The following SUGT1 variants were observed in gnomAD, a reference collection of about 807,000 sequenced individuals.
The protein encoded by SUGT1 is SGT1 assembly cochaperone of MIS12 kinetochore complex.
SUGT1 carries 15 observed loss-of-function variants against 56.1 expected under a neutral mutation model. The observed-to-expected ratio is 0.27, with a 90% CI of 0.18 to 0.41. The LOEUF is 0.41. Among genes scored for constraint, SUGT1 ranks in the 10% least tolerant of loss-of-function variants. SUGT1 has a pLI of 1.00. For missense variants in SUGT1, 347 were observed against 382.2 expected (o/e 0.91, Z 0.77); for synonymous variants, 123 against 128.6 (o/e 0.96, Z 0.30).
Position 52,663,099 on chromosome 13 carries a change from C to T in SUGT1, c.386C>T (p.Ser129Leu). The T allele has an allele frequency of 1.2e-6, 2 of 1,607,480 alleles. No homozygotes were observed. The highest frequency in any genetic ancestry group is 1.1e-5 in the South Asian group (1 of 89,092). The change falls in exon 7 of 13, where the codon TCA becomes TTA. Residue 129 changes from serine to leucine, a missense_variant. Physicochemically the swap from Ser to Leu is moderately radical, Grantham distance 145 (BLOSUM62 -2). Transcript: ENST00000310528. ...IKRCQEAQNGSESEVWTHQSK... is the reference protein window; with the variant it reads ...IKRCQEAQNGLESEVWTHQSK... ...TTTCCTTTTTATGTTTTAATAGGCTCAGAATCTGAGGTGGTAAGTCCAAAG... is the reference window on the plus strand; with the variant it reads ...TTTCCTTTTTATGTTTTAATAGGCTTAGAATCTGAGGTGGTAAGTCCAAAG...
At chr13:52,667,256 T>C (rs1962746533) in intron 10 of SUGT1, among the ~76,000 whole-genome samples, 1 of 152,228 alleles carries the variant, frequency 6.6e-6, no homozygotes, top group East Asian at 1.9e-4. Context: ...CTTGTCAGTT[T>C]TGTCTGTTTT....
At chr13:52,686,095 T>A (rs1350552472) in intron 12 of SUGT1, among the ~76,000 whole-genome samples, 2 of 151,936 alleles carry the variant, frequency 1.3e-5, no homozygotes, top group South Asian at 4.2e-4. Flanking sequence ...GCCTGGCTAA[T>A]TTTTGTAGTT....
rs2138187538 is a variant in SUGT1, at chr13:52,690,197, G to C, written c.*2362G>C. On this transcript the variant is annotated 3_prime_UTR_variant, in exon 13 of 13. Coordinates refer to ENST00000310528, the MANE Select transcript of SUGT1 (RefSeq NM_006704.5). ...CAAGGGAATTTTGAAAAGTAGGCTA[G>C]ATTGCTGCCTAAGAATCCCACTCTA... 6.6e-6 allele frequency: 1 copy of C among 152,238 alleles called. No homozygotes were observed. The highest frequency in any genetic ancestry group is 2.1e-4 in the South Asian group (1 of 4,808). The allele number at this position is 152,238 out of a possible 1,614,324, so 9.4% of individuals were successfully genotyped here.
intron 10 of SUGT1, among the ~76,000 whole-genome samples, chr13:52,675,798 T>G (rs1184917478): frequency 6.6e-6 from 1 of 152,232 alleles, no homozygotes; most frequent in East Asian, 1.9e-4. Context: ...TATTGACATT[T>G]TGGGGAATTG....
chr13:52,687,479 T>C (rs1963643085), intron 12 of SUGT1: 2 of 228,980 alleles, frequency 8.7e-6, no homozygotes, highest in Admixed American at 5.7e-5. Context: ...CTGACTACTT[T>C]AGGATTTCCT....
At chr13:52,670,528 C>T (rs957991733) in intron 10 of SUGT1, among the ~76,000 whole-genome samples, 8 of 152,120 alleles carry the variant, frequency 5.3e-5, no homozygotes, top group Admixed American at 2.6e-4. Context: ...ATTCACAAGT[C>T]GGGCACGGTG....
In SUGT1 at chr13:52,663,103, A is replaced by G. The variant is rs771833289; in HGVS notation, c.390A>G (p.Glu130=). ...CTTTTTATGTTTTAATAGGCTCAGA[A>G]TCTGAGGTGGTAAGTCCAAAGTTTT... ...KRCQEAQNGS[E]SEVWTHQSKI... Residue 130 remains glutamate (E), a synonymous_variant, in exon 7 of 13, where the codon GAA becomes GAG. Coordinates refer to ENST00000310528, the MANE Select transcript of SUGT1 (RefSeq NM_006704.5). 7 of 1,608,774 alleles carry G rather than the reference A, an allele frequency of 4.4e-6. No homozygotes were observed. In the Admixed American group the frequency reaches 8.4e-5, roughly 19 times the overall value.
In SUGT1 at chr13:52,679,989, A is replaced by G; in HGVS notation, c.734A>G (p.Tyr245Cys). The G allele has an allele frequency of 6.3e-7, 1 of 1,595,190 alleles. No homozygotes were observed. The highest frequency in any genetic ancestry group is 8.5e-7 in the Non-Finnish European group (1 of 1,175,126). Residue 245 changes from tyrosine (Y) to cysteine (C), a missense_variant, in exon 12 of 13, where the codon TAT becomes TGT. Transcript: ENST00000310528. ...KQFVADVKNLYPSSSPYTRNW... is the reference protein window; with the variant it reads ...KQFVADVKNLCPSSSPYTRNW... ...TACTTCATAGATGTAAAGAACCTAT[A>G]TCCATCATCATCTCCTTATACAAGA... is the stretch of plus-strand genomic sequence containing the variant.
Position 52,693,493 on chromosome 13 carries a change from A to AT in SUGT1, c.*5659dup, listed in dbSNP as rs1389684563. The AT allele has an allele frequency of 2.0e-5, 3 of 152,240 alleles. No individual in the cohort carries two copies. Among genetic ancestry groups the AT allele is most frequent in the African/African-American group, 7.2e-5 (3 of 41,464 alleles). 9.4% of individuals were successfully genotyped at this position (152,240 alleles called of 1,614,324 possible). ...AAAGACAGTATTGCATAGTGGTTAA[A>AT]TGCATGGACTCTGAAGCCATCCTGT... On this transcript the variant is annotated 3_prime_UTR_variant, in exon 13 of 13. Transcript: ENST00000310528.
chr13:52,672,984 C>G (rs187208115), intron 10 of SUGT1, among the ~76,000 whole-genome samples: 4 of 152,204 alleles, frequency 2.6e-5, no homozygotes, highest in Admixed American at 2.6e-4. Context: ...GAGAGCCTTC[C>G]CTGTACATAT....
At chr13:52,681,652 G>A (rs1963378585) in intron 12 of SUGT1, among the ~76,000 whole-genome samples, 1 of 151,980 alleles carries the variant, frequency 6.6e-6, no homozygotes, top group Non-Finnish European at 1.5e-5. Flanking sequence ...AGACCAGCCT[G>A]GACAATATGG....
In SUGT1 at chr13:52,699,929, T is replaced by A. The variant is rs1964036248; in HGVS notation, c.*12094T>A. On this transcript the variant is annotated 3_prime_UTR_variant, in exon 13 of 13. Transcript: ENST00000310528. ...ACTATCTTGTTACTATTAGAATTTT[T>A]GTAGCCATGTGCAGAGGAGAGAAAA... is the stretch of plus-strand genomic sequence containing the variant. 1 of 152,184 alleles carries A rather than the reference T, an allele frequency of 6.6e-6. No individual in the cohort carries two copies. The highest frequency in any genetic ancestry group is 2.1e-4 in the South Asian group (1 of 4,834). The allele number at this position is 152,184 out of a possible 1,614,324, so 9.4% of individuals were successfully genotyped here.
chr13:52,686,180 A>C (rs1963583322), intron 12 of SUGT1, among the ~76,000 whole-genome samples: 1 of 152,066 alleles, frequency 6.6e-6, no homozygotes. Flanking sequence ...TGCCCGCCTC[A>C]GCCTCCCAAA....
intron 12 of SUGT1, among the ~76,000 whole-genome samples, chr13:52,681,302 T>C (rs6561680): frequency 0.99 from 149,026 of 150,210 alleles, 73,926 homozygotes; most frequent in East Asian, 1. Context: ...TCTGTGGTCT[T>C]AGCTACTTGG....
chr13:52,671,171 G>A (rs1962920528), intron 10 of SUGT1, among the ~76,000 whole-genome samples: 1 of 151,286 alleles, frequency 6.6e-6, no homozygotes, highest in South Asian at 2.1e-4. Flanking sequence ...TAAAATTATT[G>A]TTTTCTTTTG....
chr13:52,690,499 T>TG lies in SUGT1; in HGVS notation c.*2666dup, dbSNP rs955571839. The TG allele has an allele frequency of 2.6e-5, 4 of 152,336 alleles. No homozygotes were observed. The highest frequency in any genetic ancestry group is 2.6e-4 in the Admixed American group (4 of 15,306). The allele number at this position is 152,336 out of a possible 1,614,324, so 9.4% of individuals were successfully genotyped here. A position where few individuals can be genotyped will look rare whatever the true frequency, so the allele number is the denominator to read the frequency against. On this transcript the variant is annotated 3_prime_UTR_variant, in exon 13 of 13. Coordinates refer to ENST00000310528, the MANE Select transcript of SUGT1 (RefSeq NM_006704.5). ...TTCCTTTCCCTTTTAAGGTTAGTCC[T>TG]GGAATACATGTTTTTCTTGGTCTTG...
At chr13:52,675,251 T>TC (rs1286430143) in intron 10 of SUGT1, among the ~76,000 whole-genome samples, 1 of 152,178 alleles carries the variant, frequency 6.6e-6, no homozygotes, top group Non-Finnish European at 1.5e-5. Context: ...CTCACATACT[T>TC]CCAAATGGTC....
At position 52,658,538 on chromosome 13, in the gene SUGT1, A is replaced by G. The variant is rs1442011620; in HGVS notation, c.257+70A>G. ...GGTATTTAATTTGTTGAATGAGTTC[A>G]TTGCAAGCTTTATATAAGTTGTAAA... is the stretch of plus-strand genomic sequence containing the variant. On this transcript the variant is annotated intron_variant, in intron 4 of 12. Coordinates refer to ENST00000310528, the MANE Select transcript of SUGT1 (RefSeq NM_006704.5). The G allele has an allele frequency of 4.6e-5, 65 of 1,416,680 alleles. 2 individuals carry two copies. The South Asian group carries it at 8.1e-4, about 18-fold the overall frequency. The allele number at this position is 1,416,680 out of a possible 1,614,324, so 87.8% of individuals were successfully genotyped here. A position where few individuals can be genotyped will look rare whatever the true frequency, so the allele number is the denominator to read the frequency against.
intron 5 of SUGT1, among the ~76,000 whole-genome samples, chr13:52,659,995 A>G (rs1053730009): frequency 6.7e-6 from 1 of 150,072 alleles, no homozygotes; most frequent in Non-Finnish European, 1.5e-5. Context: ...CGCCCGGCCA[A>G]TTTTTTTGTA....
Sources: gnomAD v4.1 joint callset for allele counts (sites outside exome capture counted in the v4.1 genomes callset) on GRCh38, gnomAD v4.1.1 for gene constraint, MANE v1.5 for transcripts, NCBI Gene and HGNC (gene_info 2026-07-23, HGNC 2026-07-21) for gene names.